LINGO2: variants seen among roughly 807,000 people sequenced by gnomAD.
LINGO2 encodes the protein leucine-rich repeat and immunoglobulin-like domain-containing nogo receptor-interacting protein 2.
LINGO2 carries 14 observed loss-of-function variants against 30.6 expected under a neutral mutation model. The ratio of observed to expected loss-of-function variants is 0.46; its 90% CI spans 0.30 to 0.72. The LOEUF (loss-of-function observed/expected upper bound fraction) is 0.72, where lower values mean the gene tolerates loss of function less well. LINGO2 is among the 30% of genes least tolerant of loss of function. The pLI is 0.07. For synonymous variants in LINGO2, 317 were observed against 288.5 expected (o/e 1.10, Z -1.00); for missense variants, 729 against 751.7 (o/e 0.97, Z 0.35).
chr9:28,387,310 T>C (rs987231060), intron 2 of LINGO2, among the ~76,000 whole-genome samples: 1 of 152,140 alleles, frequency 6.6e-6, no homozygotes, highest in East Asian at 1.9e-4. Context: ...ATCAGCACTA[T>C]AAAAACGCAC....
At chr9:28,974,148 C>A in the LINGO2 span, among the ~76,000 whole-genome samples, 1 of 152,196 alleles carries the variant, frequency 6.6e-6, no homozygotes, top group Non-Finnish European at 1.5e-5. Flanking sequence ...GTGGCTCACA[C>A]CTGTAATCCC....
At chr9:28,017,259 C>T (rs778050481) in intron 4 of LINGO2, among the ~76,000 whole-genome samples, 1 of 152,152 alleles carries the variant, frequency 6.6e-6, no homozygotes, top group African/African-American at 2.4e-5. Context: ...AAGCTGGAAA[C>T]ATTCTCCTTG....
upstream of LINGO2, among the ~76,000 whole-genome samples, chr9:28,674,336 A>G (rs142383273): frequency 6.6e-6 from 1 of 152,294 alleles, no homozygotes; most frequent in African/African-American, 2.4e-5. Context: ...ATTTAGGTTT[A>G]TAGTGATATT....
chr9:28,614,827 A>T (rs1221697090), intron 1 of LINGO2, among the ~76,000 whole-genome samples: 1 of 152,134 alleles, frequency 6.6e-6, no homozygotes, highest in Non-Finnish European at 1.5e-5. Flanking sequence ...TTAATGTTAC[A>T]GTCAGGGTTT....
At chr9:28,233,164 T>C (rs1821435426) in intron 4 of LINGO2, among the ~76,000 whole-genome samples, 1 of 150,594 alleles carries the variant, frequency 6.6e-6, no homozygotes, top group African/African-American at 2.4e-5. Context: ...TGCGTATCTG[T>C]GTGTGTGTCA....
the LINGO2 span, among the ~76,000 whole-genome samples, chr9:28,745,131 G>C: frequency 2.0e-5 from 3 of 152,034 alleles, no homozygotes; most frequent in Non-Finnish European, 4.4e-5. Context: ...TTACTCCTGA[G>C]AGAGTATAGC....
the LINGO2 span, chr9:27,940,840 C>T: frequency 6.6e-6 from 1 of 152,108 alleles, no homozygotes; most frequent in Non-Finnish European, 1.5e-5. Flanking sequence ...TGTTTAGCTT[C>T]GAGTTCATTA....
At chr9:28,199,138 A>T (rs67717053) in intron 4 of LINGO2, among the ~76,000 whole-genome samples, 15,697 of 151,896 alleles carry the variant, frequency 0.1, 886 homozygotes, top group Middle Eastern at 0.14. Flanking sequence ...TGCAAACTTC[A>T]ACTTATTTAT....
intron 2 of LINGO2, among the ~76,000 whole-genome samples, chr9:28,438,621 A>G (rs780478397): frequency 6.6e-6 from 1 of 152,082 alleles, no homozygotes; most frequent in Non-Finnish European, 1.5e-5. Flanking sequence ...CCTTTTGCAT[A>G]TCTACATATG....
At chr9:28,578,822 A>G (rs1382473464) in intron 1 of LINGO2, among the ~76,000 whole-genome samples, 1 of 152,136 alleles carries the variant, frequency 6.6e-6, no homozygotes. Context: ...ATTTTAAGAA[A>G]AATATGTATA....
intron 2 of LINGO2, among the ~76,000 whole-genome samples, chr9:28,373,788 T>C (rs1430166644): frequency 6.6e-6 from 1 of 151,330 alleles, no homozygotes; most frequent in Non-Finnish European, 1.5e-5. Context: ...TAGTCCCAGC[T>C]ACTCGGGAGG....
chr9:28,603,120 A>T (rs1301590357), intron 1 of LINGO2, among the ~76,000 whole-genome samples: 1 of 152,104 alleles, frequency 6.6e-6, no homozygotes, highest in Admixed American at 6.6e-5. Flanking sequence ...GTATGTGTTT[A>T]AAATGAAAAT....
At chr9:28,089,540 G>T (rs1012791421) in intron 4 of LINGO2, among the ~76,000 whole-genome samples, 1 of 152,120 alleles carries the variant, frequency 6.6e-6, no homozygotes, top group Non-Finnish European at 1.5e-5. Context: ...CATCATACCA[G>T]AATCTCTGGG....
intron 4 of LINGO2, among the ~76,000 whole-genome samples, chr9:28,104,033 C>G (rs1224265069): frequency 6.6e-6 from 1 of 151,852 alleles, no homozygotes; most frequent in Non-Finnish European, 1.5e-5. Flanking sequence ...TTTCTATTAC[C>G]TATTATTTTA....
chr9:28,622,727 TA>T (rs1238221049), intron 1 of LINGO2, among the ~76,000 whole-genome samples: 3 of 125,562 alleles, frequency 2.4e-5, no homozygotes, highest in African/African-American at 3.3e-5. Flanking sequence ...ATGGCAGCTC[TA>T]TTTTTTTTTT....
chr9:28,544,417 C>T (rs1306929789), intron 1 of LINGO2, among the ~76,000 whole-genome samples: 1 of 152,032 alleles, frequency 6.6e-6, no homozygotes, highest in African/African-American at 2.4e-5. Context: ...AGTATCTTTT[C>T]CCTGGCCTTT....
At chr9:28,452,610 A>G (rs113280415) in intron 2 of LINGO2, among the ~76,000 whole-genome samples, 1,533 of 151,994 alleles carry the variant, frequency 0.01, 28 homozygotes, top group African/African-American at 0.035. Context: ...TCCTTGGATC[A>G]TGGTTTGTGG....
the LINGO2 span, among the ~76,000 whole-genome samples, chr9:28,995,107 G>T: frequency 0.64 from 97,253 of 151,458 alleles, 32,018 homozygotes; most frequent in Non-Finnish European, 0.72. Flanking sequence ...AGAAAATTTT[G>T]GCAACCTACT....
the LINGO2 span, among the ~76,000 whole-genome samples, chr9:28,786,958 C>A: frequency 3.3e-5 from 5 of 152,166 alleles, no homozygotes; most frequent in South Asian, 4.2e-4. Context: ...ATAGGTCTGC[C>A]TAGGATTAAC....
Sources: allele counts gnomAD v4.1 joint callset (sites outside exome capture counted in the v4.1 genomes callset), GRCh38; gene constraint gnomAD v4.1.1; transcripts MANE v1.5; gene names NCBI Gene and HGNC (gene_info 2026-07-23, HGNC 2026-07-21).